KCNH8: variants seen among roughly 807,000 people sequenced by gnomAD.
KCNH8 encodes voltage-gated delayed rectifier potassium channel KCNH8.
Under a neutral mutation model 103.6 loss-of-function variants are expected in KCNH8, and 70 were observed. The observed-to-expected ratio is 0.68, with a 90% CI of 0.56 to 0.82. KCNH8 has a LOEUF of 0.82. Among genes scored for constraint, KCNH8 ranks in the 40% least tolerant of loss-of-function variants. KCNH8 has a pLI of 0.00. For synonymous variants in KCNH8, 498 were observed against 489.4 expected (o/e 1.02, Z -0.23); for missense variants, 1,217 against 1,329.9 (o/e 0.92, Z 1.32).
chr3:19,322,666 TGC>T, intron 3 of KCNH8, among the ~76,000 whole-genome samples: 1 of 152,348 alleles, frequency 6.6e-6, no homozygotes, highest in Non-Finnish European at 1.5e-5. Flanking sequence ...GATGACTATG[TGC>T]CCAGGCAATG....
chr3:19,275,061 A>G (rs977139941), intron 2 of KCNH8, among the ~76,000 whole-genome samples: 1 of 150,888 alleles, frequency 6.6e-6, no homozygotes, highest in African/African-American at 2.4e-5. Context: ...CCAGTCTTGA[A>G]CTCTTTACAT....
At chr3:19,324,375 AAGG>A (rs1403649559) in intron 3 of KCNH8, among the ~76,000 whole-genome samples, 36 of 152,268 alleles carry the variant, frequency 2.4e-4, no homozygotes, top group African/African-American at 8.2e-4. Context: ...AAGAAGAGTA[AAGG>A]AGGGACTTCC....
At chr3:19,383,603 C>T (rs2066317020) in intron 5 of KCNH8, among the ~76,000 whole-genome samples, 1 of 152,078 alleles carries the variant, frequency 6.6e-6, no homozygotes, top group African/African-American at 2.4e-5. Flanking sequence ...AAACTCCTGC[C>T]CTCATGTGAT....
chr3:19,285,001 C>T (rs563829087), intron 3 of KCNH8, among the ~76,000 whole-genome samples: 3 of 151,740 alleles, frequency 2.0e-5, no homozygotes, highest in South Asian at 4.2e-4. Context: ...ACCAGGTCCT[C>T]GATGGTGGGG....
intron 7 of KCNH8, among the ~76,000 whole-genome samples, chr3:19,403,390 AT>A (rs1309706764): frequency 1.9e-4 from 16 of 82,896 alleles, no homozygotes; most frequent in African/African-American, 8.3e-4. Context: ...ATATATATAT[AT>A]ATATATATAA....
chr3:19,480,145 C>T (rs561251813), intron 11 of KCNH8, among the ~76,000 whole-genome samples: 1 of 152,170 alleles, frequency 6.6e-6, no homozygotes, highest in African/African-American at 2.4e-5. Context: ...GATTTCCTAT[C>T]TTCCCTGGGC....
intron 1 of KCNH8, among the ~76,000 whole-genome samples, chr3:19,243,636 A>G (rs1038083879): frequency 6.6e-6 from 1 of 152,162 alleles, no homozygotes; most frequent in Admixed American, 6.5e-5. Flanking sequence ...AGGTCAGTCC[A>G]CTCTGATGGA....
Position 19,390,548 on chromosome 3 carries a change from A to T in KCNH8, c.879A>T (p.Ser293=). ...KSGQVIFEAR[S]ICIHYVTTWF... ...GCCAAGTTATCTTTGAAGCAAGATC[A>T]ATTTGCATCCACTATGTCACAACCT... is the stretch of plus-strand genomic sequence containing the variant. Residue 293 remains serine, a synonymous_variant, in exon 6 of 16, where the codon TCA becomes TCT. Coordinates refer to ENST00000328405, the MANE Select transcript of KCNH8 (RefSeq NM_144633.3). 1 of 1,613,402 alleles carries T rather than the reference A, an allele frequency of 6.2e-7. No homozygotes were observed. Among genetic ancestry groups the T allele is most frequent in the East Asian group, 2.2e-5 (1 of 44,842 alleles).
intron 1 of KCNH8, among the ~76,000 whole-genome samples, chr3:19,167,309 A>G (rs1387537553): frequency 2.0e-5 from 3 of 152,224 alleles, no homozygotes; most frequent in African/African-American, 7.2e-5. Context: ...ATAGGCATTG[A>G]AGCAATGTTG....
At chr3:19,493,820 G>A (rs534248680) in intron 11 of KCNH8, among the ~76,000 whole-genome samples, 18 of 152,006 alleles carry the variant, frequency 1.2e-4, no homozygotes, top group African/African-American at 4.3e-4. Flanking sequence ...AATTACATTA[G>A]TACATGATGA....
chr3:19,216,665 A>C (rs2125228546), intron 1 of KCNH8, among the ~76,000 whole-genome samples: 1 of 152,302 alleles, frequency 6.6e-6, no homozygotes, highest in East Asian at 1.9e-4. Flanking sequence ...CTTTTGTGTA[A>C]CTTCCCTTTC....
chr3:19,195,129 A>T (rs993971721), intron 1 of KCNH8, among the ~76,000 whole-genome samples: 4 of 151,766 alleles, frequency 2.6e-5, no homozygotes, highest in African/African-American at 9.7e-5. Context: ...GTATAGGAAC[A>T]CTTGAAAAAA....
chr3:19,281,798 ATG>A lies in KCNH8; in HGVS notation c.442+472_442+473del, dbSNP rs545536165. 2.8e-3 allele frequency among the ~76,000 whole-genome samples: 431 copies of A among 152,226 alleles called. 2 individuals carry two copies. The highest frequency in any genetic ancestry group is 1.0e-2 in the African/African-American group (414 of 41,560). ...TGTTAGAATAGAATGTTGCAAACAAATGTGAATCCTGTACCTTATTGTATATA... is the reference window on the plus strand; with the variant it reads ...TGTTAGAATAGAATGTTGCAAACAAATGAATCCTGTACCTTATTGTATATA... On this transcript the variant is annotated intron_variant, in intron 3 of 15. Transcript: ENST00000328405.
At chr3:19,248,570 C>T (rs1259757412) in intron 1 of KCNH8, among the ~76,000 whole-genome samples, 1 of 152,132 alleles carries the variant, frequency 6.6e-6, no homozygotes, top group Non-Finnish European at 1.5e-5. Context: ...CCCATTTCTC[C>T]TGCTAGTAGC....
In KCNH8 at chr3:19,503,478, C is replaced by T. The variant is rs373879100; in HGVS notation, c.2041-6885C>T. Reference sequence around the variant, plus strand: ...ATGCTGCTATAAAGACACATGCACACGTATGTTTATTGCAGCATTATCCAC... The same window carrying T: ...ATGCTGCTATAAAGACACATGCACATGTATGTTTATTGCAGCATTATCCAC... On this transcript the variant is annotated intron_variant, in intron 11 of 15. Coordinates refer to ENST00000328405, the MANE Select transcript of KCNH8 (RefSeq NM_144633.3). 1.1e-4 allele frequency among the ~76,000 whole-genome samples: 17 copies of T among 152,190 alleles called. No homozygotes were observed. In the South Asian group the frequency reaches 1.2e-3, roughly 11 times the overall value.
At chr3:19,489,514 G>C (rs902062064) in intron 11 of KCNH8, among the ~76,000 whole-genome samples, 4 of 152,090 alleles carry the variant, frequency 2.6e-5, no homozygotes, top group Non-Finnish European at 5.9e-5. Context: ...TGAGAGAAGG[G>C]ACCTGTCCAG....
Position 19,533,930 on chromosome 3 carries a change from A to C in KCNH8, c.3155A>C (p.Glu1052Ala), listed in dbSNP as rs1380457754. 1 of 1,614,120 alleles carries C rather than the reference A, an allele frequency of 6.2e-7. No homozygotes were observed. The highest frequency in any genetic ancestry group is 2.2e-5 in the East Asian group (1 of 44,842). ...CTAGTTCTCCCAAGCAGATCAGAGG[A>C]GGGCAGCTTCAGTCAGGGAACTGTG... ...LHLVLPSRSEEGSFSQGTVSS... is the reference protein window; with the variant it reads ...LHLVLPSRSEAGSFSQGTVSS... The change falls in exon 16 of 16, where the codon GAG becomes GCG. Residue 1052 changes from glutamate (E) to alanine (A), a missense_variant. Coordinates refer to ENST00000328405, the MANE Select transcript of KCNH8 (RefSeq NM_144633.3).
intron 11 of KCNH8, among the ~76,000 whole-genome samples, chr3:19,459,822 A>AT (rs1309163571): frequency 6.6e-6 from 1 of 151,870 alleles, no homozygotes; most frequent in Non-Finnish European, 1.5e-5. Context: ...TGGAAAAGGA[A>AT]TTTTTATCTT....
intron 11 of KCNH8, among the ~76,000 whole-genome samples, chr3:19,457,407 GGT>G (rs1262870834): frequency 6.6e-6 from 1 of 151,842 alleles, no homozygotes; most frequent in Non-Finnish European, 1.5e-5. Context: ...TTTATTTAAT[GGT>G]ACACAAAACA....
Sources: gnomAD v4.1 joint callset for allele counts (sites outside exome capture counted in the v4.1 genomes callset) on GRCh38, gnomAD v4.1.1 for gene constraint, MANE v1.5 for transcripts, NCBI Gene and HGNC (gene_info 2026-07-23, HGNC 2026-07-21) for gene names.